The following CLPB variants were observed in gnomAD, a reference collection of about 807,000 sequenced individuals.
The protein encoded by CLPB is mitochondrial disaggregase.
In CLPB, 40 loss-of-function variants were observed where a neutral mutation model predicts 78.4. That is an observed-to-expected ratio of 0.51 (90% CI 0.40 to 0.66). The LOEUF (loss-of-function observed/expected upper bound fraction) is 0.66. Among genes scored for constraint, CLPB ranks in the 30% least tolerant of loss-of-function variants. CLPB has a pLI of 0.00. For synonymous variants in CLPB, 333 were observed against 348.0 expected, an observed-to-expected ratio of 0.96 and a Z score of 0.48; for missense variants, 780 against 886.9, an observed-to-expected ratio of 0.88 and a Z score of 1.53.
intron 6 of CLPB, among the ~76,000 whole-genome samples, chr11:72,325,494 G>A (rs1289711763): frequency 2.0e-5 from 3 of 152,142 alleles, no homozygotes; most frequent in African/African-American, 4.8e-5. Context: ...AGGAGGCTTC[G>A]GCGCACAGAA....
In CLPB at chr11:72,379,553, A is replaced by G. The variant is rs72970604; in HGVS notation, c.646+728T>C. 8.4e-3 allele frequency among the ~76,000 whole-genome samples: 1,274 copies of G among 152,298 alleles called. 7 individuals carry two copies. Among genetic ancestry groups the G allele is most frequent in the African/African-American group, 0.025 (1,023 of 41,572 alleles). ...CATGATCGAGCCCTAGTGCAAACCCAAACACCTGCCTTGGACATTCAATCC... is the reference window on the plus strand; with the variant it reads ...CATGATCGAGCCCTAGTGCAAACCCGAACACCTGCCTTGGACATTCAATCC... On this transcript the variant is annotated intron_variant, in intron 4 of 15. Coordinates refer to ENST00000538039, the MANE Select transcript of CLPB (RefSeq NM_001258392.3).
chr11:72,310,884 G>C (rs1055401252), intron 7 of CLPB: 1 of 152,110 alleles, frequency 6.6e-6, no homozygotes, highest in Non-Finnish European at 1.5e-5. Context: ...ACACCATGGA[G>C]AATGAGGAAT....
In CLPB at chr11:72,310,630, A is replaced by G. The variant is rs897723742; in HGVS notation, c.989-2026T>C. 5.3e-5 allele frequency among the ~76,000 whole-genome samples: 8 copies of G among 152,324 alleles called. No homozygotes were observed. In the East Asian group the frequency reaches 1.5e-3, roughly 29 times the overall value. Reference sequence around the variant, plus strand: ...TACGTGTTAGGGCAGGGGTGACAGCAGTGACGTGAAAGGAGCCGTGTTCTT... The same window carrying G: ...TACGTGTTAGGGCAGGGGTGACAGCGGTGACGTGAAAGGAGCCGTGTTCTT... On this transcript the variant is annotated intron_variant, in intron 7 of 15. Coordinates refer to ENST00000538039, the MANE Select transcript of CLPB (RefSeq NM_001258392.3).
rs1167854673 is a variant in CLPB, at chr11:72,317,659, C to T, written c.874-439G>A. Among the ~76,000 whole-genome samples the T allele has an allele frequency of 2.0e-5, 3 of 152,358 alleles. No homozygotes were observed. The South Asian group carries it at 6.2e-4, about 32-fold the overall frequency. On this transcript the variant is annotated intron_variant, in intron 6 of 15. Transcript: ENST00000538039. The stretch of plus-strand genomic sequence containing the variant: ...GCTTAATAAGTATAAATTCCTTTCT[C>T]TTTCCTCTTGAAAAACGTTTTGCTC...
At chr11:72,357,327 C>A (rs1245456122) in intron 5 of CLPB, among the ~76,000 whole-genome samples, 1 of 152,164 alleles carries the variant, frequency 6.6e-6, no homozygotes, top group East Asian at 1.9e-4. Flanking sequence ...ACTGAAAGAA[C>A]TTTCTTTGAA....
In CLPB at chr11:72,317,223, G is replaced by C; in HGVS notation, c.874-3C>G. Reference sequence around the variant, plus strand: ...CGCTTCCGCTGCTTCTCTTGGTACTGTGGGGAGAGAGGGCAAATGGTTGAG... The same window carrying C: ...CGCTTCCGCTGCTTCTCTTGGTACTCTGGGGAGAGAGGGCAAATGGTTGAG... On this transcript the variant is annotated splice_polypyrimidine_tract_variant and splice_region_variant and intron_variant, in intron 6 of 15. Coordinates refer to ENST00000538039, the MANE Select transcript of CLPB (RefSeq NM_001258392.3). The C allele has an allele frequency of 6.2e-7, 1 of 1,604,324 alleles. No homozygotes were observed. Among genetic ancestry groups the C allele is most frequent in the African/African-American group, 1.3e-5 (1 of 74,644 alleles).
intron 4 of CLPB, among the ~76,000 whole-genome samples, chr11:72,372,290 A>C (rs1227413757): frequency 1.3e-5 from 2 of 152,250 alleles, no homozygotes; most frequent in African/African-American, 4.8e-5. Context: ...ACAGGTTTAC[A>C]TTCACAGAAT....
In CLPB at chr11:72,420,202, C is replaced by T. The variant is rs550346989; in HGVS notation, c.455+10110G>A. Among the ~76,000 whole-genome samples the T allele has an allele frequency of 3.9e-5, 6 of 152,212 alleles. No individual in the cohort carries two copies. The South Asian group carries it at 1.2e-3, about 32-fold the overall frequency. On this transcript the variant is annotated intron_variant, in intron 2 of 15. Transcript: ENST00000538039. ...AATTAAATAAACAAACAAACAAAAA[C>T]ACAAAACGCTTTCAATGGCTGGGCA...
At chr11:72,364,538 T>G (rs55907154) in intron 4 of CLPB, among the ~76,000 whole-genome samples, 15,064 of 151,704 alleles carry the variant, frequency 0.099, 914 homozygotes, top group African/African-American at 0.16. Flanking sequence ...AAAAAATATA[T>G]AGAGAGAGAT....
chr11:72,400,313 GAGA>G (rs973324703), intron 3 of CLPB, among the ~76,000 whole-genome samples: 5 of 152,190 alleles, frequency 3.3e-5, no homozygotes, highest in African/African-American at 1.2e-4. Flanking sequence ...GATAGTGGAA[GAGA>G]AGGTCACAAA....
At chr11:72,431,800 C>T (rs1856552683) in intron 1 of CLPB, among the ~76,000 whole-genome samples, 1 of 152,204 alleles carries the variant, frequency 6.6e-6, no homozygotes. Flanking sequence ...TCAGTTTCTA[C>T]CACACTGCAC....
At chr11:72,325,893 G>A (rs1450231529) in intron 6 of CLPB, among the ~76,000 whole-genome samples, 1 of 151,970 alleles carries the variant, frequency 6.6e-6, no homozygotes, top group Non-Finnish European at 1.5e-5. Flanking sequence ...TATATATGGT[G>A]GACTGTCAAC....
intron 2 of CLPB, among the ~76,000 whole-genome samples, chr11:72,408,681 A>G (rs914417983): frequency 3.3e-5 from 5 of 151,656 alleles, no homozygotes; most frequent in African/African-American, 9.7e-5. Context: ...AAAAAAAAAA[A>G]AAAAAAGAAA....
In CLPB at chr11:72,434,178, T is replaced by C. The variant is rs1214906931; in HGVS notation, c.297A>G (p.Pro99=). 1.9e-6 allele frequency: 3 copies of C among 1,613,378 alleles called. No homozygotes were observed. The East Asian group carries it at 6.7e-5, about 36-fold the overall frequency. ...GGACCCCGTTCCAGCTGTCCTGTCC[T>C]GGGAGTGTTTCTTCGGGACCAGGAA... ...GRLPGPEETL[P]GQDSWNGVPS... The change falls in exon 1 of 16, where the codon CCA becomes CCG. Residue 99 remains proline (P), a synonymous_variant. Coordinates refer to ENST00000538039, the MANE Select transcript of CLPB (RefSeq NM_001258392.3).
Position 72,294,328 on chromosome 11 carries a change from CT to C in CLPB, c.1676del (p.Lys559ArgfsTer38), listed in dbSNP as rs1445707649. 6.2e-7 allele frequency: 1 copy of C among 1,614,120 alleles called. No individual in the cohort carries two copies. Among genetic ancestry groups the C allele is most frequent in the African/African-American group, 1.3e-5 (1 of 74,946 alleles). On this transcript the variant is annotated frameshift_variant, in exon 14 of 16. Transcript: ENST00000538039. LOFTEE classifies it high-confidence loss of function. Reference sequence around the variant, plus strand: ...CCCATGGGCAGTTCCCTCTTACTCTCTTGGCCCAGAAGTTTAGTTCCTTGTT... The same window carrying C: ...CCCATGGGCAGTTCCCTCTTACTCTCTGGCCCAGAAGTTTAGTTCCTTGTT... Reference protein sequence around the residue: ...LVNKELNFWAKRAKQRHNITL... With the variant: ...LVNKELNFWAXRAKQRHNITL...
chr11:72,320,429 C>T (rs762459777), intron 6 of CLPB, among the ~76,000 whole-genome samples: 4 of 152,040 alleles, frequency 2.6e-5, no homozygotes, highest in Non-Finnish European at 2.9e-5. Context: ...AGAGTTATAC[C>T]GTGAACTGGT....
chr11:72,320,960 G>T (rs1450582331), intron 6 of CLPB, among the ~76,000 whole-genome samples: 1 of 152,124 alleles, frequency 6.6e-6, no homozygotes, highest in African/African-American at 2.4e-5. Context: ...TGATCCACTC[G>T]TCTTGGCCTC....
intron 5 of CLPB, among the ~76,000 whole-genome samples, chr11:72,350,256 T>C (rs929967578): frequency 9.9e-5 from 14 of 141,942 alleles, no homozygotes; most frequent in African/African-American, 4.3e-4. Context: ...ACTCCTCCAC[T>C]CCCCAAAATT....
intron 10 of CLPB, 62 bp from the exon 11 acceptor site, chr11:72,302,026 G>A (rs189177238): frequency 9.6e-6 from 15 of 1,564,588 alleles, no homozygotes; most frequent in Middle Eastern, 1.8e-4. Flanking sequence ...CCAACATGGG[G>A]CATGCATGGG....
Sources: gnomAD v4.1 joint callset for allele counts (sites outside exome capture counted in the v4.1 genomes callset) on GRCh38, gnomAD v4.1.1 for gene constraint, MANE v1.5 for transcripts, NCBI Gene and HGNC (gene_info 2026-07-23, HGNC 2026-07-21) for gene names.